ADCY2: variants seen among roughly 807,000 people sequenced by gnomAD.
ADCY2 encodes adenylate cyclase type 2.
ADCY2 carries 31 observed loss-of-function variants against 125.2 expected under a neutral mutation model. The ratio of observed to expected loss-of-function variants is 0.25; its 90% CI spans 0.19 to 0.33. ADCY2 has a LOEUF of 0.33. ADCY2 is among the 10% of genes least tolerant of loss of function. ADCY2 has a pLI of 1.00. For missense variants in ADCY2, 904 were observed against 1,418.2 expected (o/e 0.64, Z 5.82); for synonymous variants, 512 against 548.4 (o/e 0.93, Z 0.93).
chr5:7,478,703 C>T (rs1742607723), intron 2 of ADCY2, among the ~76,000 whole-genome samples: 1 of 152,038 alleles, frequency 6.6e-6, no homozygotes, highest in Admixed American at 6.6e-5. Flanking sequence ...AGGGAAAGTT[C>T]CTGGCCTGAA....
At chr5:7,436,603 C>G (rs1275641854) in intron 2 of ADCY2, among the ~76,000 whole-genome samples, 1 of 152,200 alleles carries the variant, frequency 6.6e-6, no homozygotes, top group African/African-American at 2.4e-5. Flanking sequence ...ACAAAGATCC[C>G]TAAGTCCGCA....
chr5:7,751,781 T>G (rs920387800), intron 15 of ADCY2, among the ~76,000 whole-genome samples: 6 of 152,072 alleles, frequency 3.9e-5, no homozygotes, highest in Non-Finnish European at 7.4e-5. Context: ...CCTATGGGTG[T>G]TAAAAGCTCA....
chr5:7,399,961 A>G (rs1330071338), intron 1 of ADCY2, among the ~76,000 whole-genome samples: 2 of 150,752 alleles, frequency 1.3e-5, no homozygotes, highest in East Asian at 3.9e-4. Context: ...TTCTCTTTCT[A>G]CTTTGTTTTT....
intron 3 of ADCY2, among the ~76,000 whole-genome samples, chr5:7,625,440 G>A (rs1206731185): frequency 6.6e-6 from 1 of 152,198 alleles, no homozygotes; most frequent in Non-Finnish European, 1.5e-5. Flanking sequence ...AAGGCCGTAT[G>A]GAAAGCAGAG....
intron 2 of ADCY2, among the ~76,000 whole-genome samples, chr5:7,484,432 A>C (rs1742850540): frequency 6.6e-6 from 1 of 152,146 alleles, no homozygotes; most frequent in Admixed American, 6.5e-5. Flanking sequence ...GATCTAAAGG[A>C]AGCCTTGAAT....
chr5:7,418,655 T>TTTTTG (rs1184116530), intron 2 of ADCY2, among the ~76,000 whole-genome samples: 1 of 127,664 alleles, frequency 7.8e-6, no homozygotes, highest in Non-Finnish European at 1.6e-5. Flanking sequence ...CTGTTTTTTT[T>TTTTTG]TTTTTTTTTT....
intron 6 of ADCY2, among the ~76,000 whole-genome samples, chr5:7,697,441 G>GAGTA (rs1170173405): frequency 6.6e-6 from 1 of 152,110 alleles, no homozygotes; most frequent in Non-Finnish European, 1.5e-5. Flanking sequence ...CCAGTGCACT[G>GAGTA]AGTACTATGT....
intron 2 of ADCY2, among the ~76,000 whole-genome samples, chr5:7,490,714 A>T (rs1422358865): frequency 6.6e-6 from 1 of 152,034 alleles, no homozygotes; most frequent in Non-Finnish European, 1.5e-5. Context: ...CATTTTGGGG[A>T]TGGTATTGCC....
intron 2 of ADCY2, among the ~76,000 whole-genome samples, chr5:7,508,177 A>C (rs1743914521): frequency 6.6e-6 from 1 of 152,124 alleles, no homozygotes; most frequent in Admixed American, 6.5e-5. Context: ...ATGGGTAAAC[A>C]TTTTGCCTAA....
intron 2 of ADCY2, among the ~76,000 whole-genome samples, chr5:7,481,737 T>A (rs574216048): frequency 2.4e-4 from 37 of 152,030 alleles, no homozygotes; most frequent in African/African-American, 8.2e-4. Context: ...ATATATCTTC[T>A]GCCATCCAAT....
At chr5:7,761,151 T>TTTTC (rs1743192792) in intron 16 of ADCY2, among the ~76,000 whole-genome samples, 1 of 124,098 alleles carries the variant, frequency 8.1e-6, no homozygotes, top group Non-Finnish European at 1.7e-5. Flanking sequence ...TTCTTTTCTT[T>TTTTC]TTTTTTTTTT....
At chr5:7,687,608 G>T (rs569422799) in intron 4 of ADCY2, among the ~76,000 whole-genome samples, 1 of 152,128 alleles carries the variant, frequency 6.6e-6, no homozygotes, top group Non-Finnish European at 1.5e-5. Context: ...GCAATGTGCC[G>T]ACCGATTTCT....
In ADCY2 at chr5:7,475,601, C is replaced by G. The variant is rs994031415; in HGVS notation, c.409-45137C>G. ...TTCGCCACGTTGGCCAGGCTGTTCTCGAACCCCTGACTTCTGGCGATCCAC... is the reference window on the plus strand; with the variant it reads ...TTCGCCACGTTGGCCAGGCTGTTCTGGAACCCCTGACTTCTGGCGATCCAC... On this transcript the variant is annotated intron_variant, in intron 2 of 24. Coordinates refer to ENST00000338316, the MANE Select transcript of ADCY2 (RefSeq NM_020546.3). Among the ~76,000 whole-genome samples, 7 of 152,282 alleles carry G rather than the reference C, an allele frequency of 4.6e-5. No individual in the cohort carries two copies. The East Asian group carries it at 9.6e-4, about 21-fold the overall frequency.
chr5:7,533,316 T>A (rs1222058226), intron 3 of ADCY2, among the ~76,000 whole-genome samples: 1 of 151,962 alleles, frequency 6.6e-6, no homozygotes, highest in African/African-American at 2.4e-5. Flanking sequence ...CCCTCTGTAT[T>A]TGCGCTTGAT....
intron 23 of ADCY2, among the ~76,000 whole-genome samples, chr5:7,818,209 A>C (rs1745178985): frequency 6.6e-6 from 1 of 152,236 alleles, no homozygotes; most frequent in Admixed American, 6.5e-5. Context: ...CTGAATATTT[A>C]AAGCCATTTT....
intron 17 of ADCY2, among the ~76,000 whole-genome samples, chr5:7,771,689 A>G (rs1743562329): frequency 6.6e-6 from 1 of 152,146 alleles, no homozygotes; most frequent in African/African-American, 2.4e-5. Flanking sequence ...CTGTTGAGCT[A>G]ATATCAGTGG....
chr5:7,821,285 G>A (rs1745290979), intron 24 of ADCY2, among the ~76,000 whole-genome samples: 1 of 152,154 alleles, frequency 6.6e-6, no homozygotes, highest in Non-Finnish European at 1.5e-5. Flanking sequence ...CGTGGTTAAA[G>A]TAACTATATT....
intron 2 of ADCY2, among the ~76,000 whole-genome samples, chr5:7,424,803 A>G (rs1306448961): frequency 6.6e-6 from 1 of 152,214 alleles, no homozygotes; most frequent in East Asian, 1.9e-4. Context: ...TGGGGAATCA[A>G]CTAAAACTGA....
In ADCY2 at chr5:7,518,410, G is replaced by C. The variant is rs752094528; in HGVS notation, c.409-2328G>C. 3.9e-5 allele frequency among the ~76,000 whole-genome samples: 6 copies of C among 152,080 alleles called. No individual in the cohort carries two copies. In the South Asian group the frequency reaches 6.2e-4, roughly 16 times the overall value. Reference sequence around the variant, plus strand: ...AAACTTTGCATTTTTATACATAAACGGTCTAAGACAATACTTTTTGCCTTG... The same window carrying C: ...AAACTTTGCATTTTTATACATAAACCGTCTAAGACAATACTTTTTGCCTTG... On this transcript the variant is annotated intron_variant, in intron 2 of 24. Coordinates refer to ENST00000338316, the MANE Select transcript of ADCY2 (RefSeq NM_020546.3).
Sources: allele counts gnomAD v4.1 joint callset (sites outside exome capture counted in the v4.1 genomes callset), GRCh38; gene constraint gnomAD v4.1.1; transcripts MANE v1.5; gene names NCBI Gene and HGNC (gene_info 2026-07-23, HGNC 2026-07-21).